The following STK33 variants were observed in gnomAD, a reference collection of about 807,000 sequenced individuals.
STK33 encodes the protein serine/threonine-protein kinase 33.
A neutral mutation model predicts 58.0 loss-of-function variants in STK33; 52 were observed. That is an observed-to-expected ratio of 0.90 (90% confidence interval 0.72 to 1.13). The LOEUF (loss-of-function observed/expected upper bound fraction) is 1.13. Ranked by LOEUF, STK33 falls within the 50% of genes most tolerant of loss-of-function variation. STK33 has a pLI of 0.00. For missense variants in STK33, 630 were observed against 604.2 expected, an observed-to-expected ratio of 1.04 and a Z score of -0.45; for synonymous variants, 215 against 200.1, an observed-to-expected ratio of 1.07 and a Z score of -0.63.
the STK33 span, among the ~76,000 whole-genome samples, chr11:8,338,826 A>T: frequency 1.1e-3 from 167 of 152,194 alleles, no homozygotes; most frequent in Non-Finnish European, 1.7e-3. Context: ...AATGGGCCAA[A>T]TCATCTTTGA....
At chr11:8,454,870 T>C (rs1330469250) in intron 9 of STK33, 38 bp from the exon 10 acceptor site, 2 of 1,491,718 alleles carry the variant, frequency 1.3e-6, no homozygotes, top group Non-Finnish European at 1.8e-6. Context: ...ATGAAATGAA[T>C]AATGGAAAAA....
intron 5 of STK33, among the ~76,000 whole-genome samples, chr11:8,474,355 T>A (rs1195976179): frequency 6.6e-6 from 1 of 152,130 alleles, no homozygotes; most frequent in Non-Finnish European, 1.5e-5. Context: ...TAATTCTCCA[T>A]CAGTTGAAGA....
At chr11:8,386,293 A>C in the STK33 span, among the ~76,000 whole-genome samples, 2 of 152,336 alleles carry the variant, frequency 1.3e-5, no homozygotes, top group South Asian at 4.1e-4. Flanking sequence ...GCTATAAAAA[A>C]GTTGGTGAGC....
Position 8,495,907 on chromosome 11 carries a change from T to C in STK33, c.-465-15293A>G, listed in dbSNP as rs148632036. On this transcript the variant is annotated intron_variant, in intron 1 of 15. Coordinates refer to ENST00000687296, the MANE Select transcript of STK33 (RefSeq NM_001352389.2). ...GATGGGAAGTGAACAATGAGAACAC[T>C]TGAACACAGGGCGGGGAATATCACA... Among the ~76,000 whole-genome samples, 1,015 of 150,950 alleles carry C rather than the reference T, an allele frequency of 6.7e-3. 13 individuals carry two copies. The highest frequency in any genetic ancestry group is 0.023 in the African/African-American group (923 of 40,962).
At chr11:8,442,523 T>C (rs1944890622) in intron 11 of STK33, among the ~76,000 whole-genome samples, 1 of 152,284 alleles carries the variant, frequency 6.6e-6, no homozygotes, top group African/African-American at 2.4e-5. Context: ...AGAAGCCATT[T>C]AGGAAGTCAG....
chr11:8,340,703 T>C, the STK33 span, among the ~76,000 whole-genome samples: 93 of 152,292 alleles, frequency 6.1e-4, no homozygotes, highest in African/African-American at 2.2e-3. Context: ...ATCTGAGTGA[T>C]GACACATGCA....
chr11:8,458,219 T>C (rs1713505629), intron 8 of STK33, among the ~76,000 whole-genome samples: 1 of 152,160 alleles, frequency 6.6e-6, no homozygotes, highest in South Asian at 2.1e-4. Context: ...CAAATATTAT[T>C]GGCTTTGAAG....
In STK33 at chr11:8,473,250, T is replaced by A. The variant is rs1253819165; in HGVS notation, c.252A>T (p.Arg84Ser). The A allele has an allele frequency of 6.2e-7, 1 of 1,613,024 alleles. No homozygotes were observed. The highest frequency in any genetic ancestry group is 8.5e-7 in the Non-Finnish European group (1 of 1,179,628). The change falls in exon 6 of 16, where the codon AGA becomes AGT. Residue 84 changes from arginine (R) to serine (S), a missense_variant. By Grantham distance (110) the Arg-to-Ser change is moderately radical. Coordinates refer to ENST00000687296, the MANE Select transcript of STK33 (RefSeq NM_001352389.2). The stretch of plus-strand genomic sequence containing the variant: ...GACCCCATTGTTGCTGAGATGCTTT[T>A]CTCTCTACATTTGAGGTTCTTGAGG... Reference protein sequence around the residue: ...DLPSRTSNVERKASQQQWGRG... With the variant: ...DLPSRTSNVESKASQQQWGRG...
the STK33 span, among the ~76,000 whole-genome samples, chr11:8,370,225 C>T: frequency 7.4e-4 from 113 of 151,934 alleles, no homozygotes; most frequent in Non-Finnish European, 1.4e-3. Context: ...AGAAGTGGTG[C>T]CTCACTCTGC....
chr11:8,558,427 G>A (rs1226892486), intron 1 of STK33, among the ~76,000 whole-genome samples: 4 of 146,434 alleles, frequency 2.7e-5, no homozygotes, highest in Non-Finnish European at 6.0e-5. Context: ...ACACACACAC[G>A]AAACCTAATA....
At chr11:8,437,695 A>C (rs1410353997) in intron 12 of STK33, among the ~76,000 whole-genome samples, 1 of 152,164 alleles carries the variant, frequency 6.6e-6, no homozygotes, top group Non-Finnish European at 1.5e-5. Flanking sequence ...TTTTCTGAAT[A>C]AGTCAAAATT....
rs533435809 is a variant in STK33 at position 8,513,672 on chromosome 11, T to G, written c.-465-33058A>C. On this transcript the variant is annotated intron_variant, in intron 1 of 15. Coordinates refer to ENST00000687296, the MANE Select transcript of STK33 (RefSeq NM_001352389.2). Reference sequence around the variant, plus strand: ...AACATTACTTCAATCACGGTAACTTTTTTTTTAATTTTTGGGGGTATATAG... The same window carrying G: ...AACATTACTTCAATCACGGTAACTTGTTTTTTAATTTTTGGGGGTATATAG... Among the ~76,000 whole-genome samples the G allele has an allele frequency of 1.4e-3, 211 of 152,254 alleles. 3 individuals carry two copies. The highest frequency in any genetic ancestry group is 2.2e-3 in the Non-Finnish European group (153 of 68,022).
chr11:8,553,176 ATATATATATATATATATATATGGTG>A lies in STK33; in HGVS notation c.-466+40882_-466+40906del, dbSNP rs1377163192. Among the ~76,000 whole-genome samples, 242 of 74,646 alleles carry A rather than the reference ATATATATATATATATATATATGGTG, an allele frequency of 3.2e-3. 4 individuals are homozygous for A. Among genetic ancestry groups the A allele is most frequent in the South Asian group, 7.6e-3 (17 of 2,250 alleles). The allele number at this position is 74,646 out of a possible 152,430, so 49.0% of individuals were successfully genotyped here. On this transcript the variant is annotated intron_variant, in intron 1 of 15. Coordinates refer to ENST00000687296, the MANE Select transcript of STK33 (RefSeq NM_001352389.2). ...CCGTCTCCAAAAATAAAATATATAT[ATATATATATATATATATATATGGTG>A]TATATATATATATATATATATATGG...
intron 1 of STK33, among the ~76,000 whole-genome samples, chr11:8,496,303 C>T (rs796737756): frequency 6.6e-6 from 1 of 152,066 alleles, no homozygotes; most frequent in Non-Finnish European, 1.5e-5. Context: ...AATTCTAATG[C>T]TGTGTATTGT....
intron 1 of STK33, among the ~76,000 whole-genome samples, chr11:8,556,080 C>A (rs1043992136): frequency 1.3e-5 from 2 of 152,136 alleles, no homozygotes; most frequent in African/African-American, 4.8e-5. Context: ...TAAGAAAGCA[C>A]CCACGATCAT....
chr11:8,491,793 A>T (rs1482107429), intron 1 of STK33, among the ~76,000 whole-genome samples: 1 of 152,222 alleles, frequency 6.6e-6, no homozygotes, highest in Admixed American at 6.5e-5. Flanking sequence ...CCAATATTCA[A>T]CATTCTTAAA....
At chr11:8,593,473 G>A (rs956736288) in intron 1 of STK33, among the ~76,000 whole-genome samples, 8 of 152,150 alleles carry the variant, frequency 5.3e-5, no homozygotes, top group African/African-American at 1.9e-4. Flanking sequence ...TTCACATATA[G>A]GTTCACTGAA....
chr11:8,555,102 G>C (rs1372901792), intron 1 of STK33: 41 of 151,980 alleles, frequency 2.7e-4, no homozygotes, highest in Admixed American at 2.5e-3. Context: ...TCATCATCAT[G>C]ACTGCTGAGA....
chr11:8,567,003 G>A lies in STK33; in HGVS notation c.-466+27080C>T, dbSNP rs570210904. Among the ~76,000 whole-genome samples the A allele has an allele frequency of 2.6e-5, 4 of 152,166 alleles. No individual in the cohort carries two copies. In the South Asian group the frequency reaches 8.3e-4, roughly 32 times the overall value. On this transcript the variant is annotated intron_variant, in intron 1 of 15. Coordinates refer to ENST00000687296, the MANE Select transcript of STK33 (RefSeq NM_001352389.2). ...AAAATACTAAAAAATTAGCTGGGGT[G>A]GTTGTGTGTGCCTGTGGTCCCAGCT...
Sources: gnomAD v4.1 joint callset for allele counts (sites outside exome capture counted in the v4.1 genomes callset) on GRCh38, gnomAD v4.1.1 for gene constraint, MANE v1.5 for transcripts, NCBI Gene and HGNC (gene_info 2026-07-23, HGNC 2026-07-21) for gene names.